ACCSL: variants seen among roughly 807,000 people sequenced by gnomAD.
ACCSL encodes the protein 1-aminocyclopropane-1-carboxylate synthase homolog (inactive) like, also known as probable inactive 1-aminocyclopropane-1-carboxylate synthase-like protein 2.
Under a neutral mutation model 61.7 loss-of-function variants are expected in ACCSL, and 55 were observed. That is an observed-to-expected ratio of 0.89 (90% CI 0.72 to 1.12). ACCSL has a LOEUF of 1.12. ACCSL is among the 50% of genes most tolerant of loss of function. The pLI is 0.00. For synonymous variants in ACCSL, 258 were observed against 264.3 expected (o/e 0.98, Z 0.23); for missense variants, 632 against 698.0 (o/e 0.91, Z 1.07).
At chr11:44,002,408 C>T in the ACCSL span, among the ~76,000 whole-genome samples, 6 of 152,194 alleles carry the variant, frequency 3.9e-5, no homozygotes, top group African/African-American at 1.2e-4. Context: ...AGAAGCCCCC[C>T]GCGTGGTTTC....
chr11:44,043,926 A>G (rs543825271), upstream of ACCSL, among the ~76,000 whole-genome samples: 3 of 152,288 alleles, frequency 2.0e-5, no homozygotes, highest in African/African-American at 2.4e-5. Flanking sequence ...CAGAAAAGCA[A>G]TTATTTTATA....
At chr11:43,954,221 C>T in the ACCSL span, among the ~76,000 whole-genome samples, 2 of 152,102 alleles carry the variant, frequency 1.3e-5, no homozygotes, top group African/African-American at 2.4e-5. Flanking sequence ...AGTATCATAC[C>T]GAAGCGGCCT....
the ACCSL span, among the ~76,000 whole-genome samples, chr11:43,936,747 C>T: frequency 2.4e-4 from 34 of 142,250 alleles, no homozygotes; most frequent in African/African-American, 6.6e-4. Flanking sequence ...AAAAAGGCAA[C>T]GGCGGGGAGG....
the ACCSL span, among the ~76,000 whole-genome samples, chr11:43,954,386 G>T: frequency 6.6e-6 from 1 of 152,096 alleles, no homozygotes; most frequent in South Asian, 2.1e-4. Flanking sequence ...CGGGTTTTCT[G>T]GTCTGCAGCA....
chr11:44,002,649 C>T, the ACCSL span, among the ~76,000 whole-genome samples: 2 of 152,056 alleles, frequency 1.3e-5, no homozygotes, highest in South Asian at 2.1e-4. Context: ...CACTTTGAGG[C>T]CCTAGTTGGC....
Position 44,055,296 on chromosome 11 carries a change from GC to G in ACCSL, c.1139+6del. On this transcript the variant is annotated splice_donor_region_variant and intron_variant, in intron 9 of 13. Transcript: ENST00000378832. ...CAGCATTCTGAGCATGAAAAGGTGA[GC>G]TGGTCTCAGCTGGAGTTGGGAACGA... 1 of 1,608,994 alleles carries G rather than the reference GC, an allele frequency of 6.2e-7. No homozygotes were observed. The highest frequency in any genetic ancestry group is 8.5e-7 in the Non-Finnish European group (1 of 1,175,978).
At chr11:44,021,247 G>A in the ACCSL span, among the ~76,000 whole-genome samples, 3 of 152,136 alleles carry the variant, frequency 2.0e-5, no homozygotes, top group Non-Finnish European at 2.9e-5. Context: ...CAGTGTAATA[G>A]TGTTCCCTTT....
At chr11:44,018,837 T>A in the ACCSL span, among the ~76,000 whole-genome samples, 1 of 152,140 alleles carries the variant, frequency 6.6e-6, no homozygotes, top group Non-Finnish European at 1.5e-5. Flanking sequence ...AAATTAAAAA[T>A]TCACCCCTTA....
At chr11:44,039,998 CA>C in the ACCSL span, among the ~76,000 whole-genome samples, 1 of 152,204 alleles carries the variant, frequency 6.6e-6, no homozygotes, top group Non-Finnish European at 1.5e-5. Flanking sequence ...CCATCTTTAA[CA>C]AGGAGAAACT....
At chr11:43,938,147 C>T in the ACCSL span, among the ~76,000 whole-genome samples, 4 of 152,226 alleles carry the variant, frequency 2.6e-5, no homozygotes, top group Non-Finnish European at 4.4e-5. Context: ...ATCTCTGTCA[C>T]AGTCTGTCCT....
At chr11:43,997,341 A>G in the ACCSL span, among the ~76,000 whole-genome samples, 1 of 152,100 alleles carries the variant, frequency 6.6e-6, no homozygotes, top group Non-Finnish European at 1.5e-5. Context: ...TGTCGGTTCC[A>G]GAGAGGATTC....
At chr11:43,987,693 T>C in the ACCSL span, among the ~76,000 whole-genome samples, 6 of 151,956 alleles carry the variant, frequency 3.9e-5, no homozygotes, top group Non-Finnish European at 7.4e-5. Flanking sequence ...CCAGTGACTG[T>C]TTCTACCCGG....
chr11:43,977,382 A>G, the ACCSL span, among the ~76,000 whole-genome samples: 2 of 152,212 alleles, frequency 1.3e-5, no homozygotes, highest in Non-Finnish European at 2.9e-5. Context: ...AATGGGGATG[A>G]GAAGGTTGAA....
At chr11:44,053,730 T>A (rs1590431226) in intron 8 of ACCSL, among the ~76,000 whole-genome samples, 1 of 152,238 alleles carries the variant, frequency 6.6e-6, no homozygotes, top group Non-Finnish European at 1.5e-5. Context: ...GGCATCATGG[T>A]GGGCACCTAC....
chr11:43,933,381 G>A, the ACCSL span: 1 of 316,918 alleles, frequency 3.2e-6, no homozygotes, highest in Admixed American at 3.9e-5. Context: ...TCCAGGATGG[G>A]GTCCCATCCT....
rs1029371172 is a variant in ACCSL at position 44,058,702 on chromosome 11, G to A, written c.1624+3G>A. 6.2e-7 allele frequency: 1 copy of A among 1,607,896 alleles called. No individual in the cohort carries two copies. Among genetic ancestry groups the A allele is most frequent in the Admixed American group, 1.7e-5 (1 of 59,624 alleles). On this transcript the variant is annotated splice_donor_region_variant and intron_variant, in intron 13 of 13. Coordinates refer to ENST00000378832, the MANE Select transcript of ACCSL (RefSeq NM_001031854.2). ...TGAGCTCCCCCGGCTAAAATTGGGT[G>A]AGTGGAGCTGACCTCCCAATCCTTT...
At chr11:44,030,374 C>T in the ACCSL span, among the ~76,000 whole-genome samples, 2 of 151,678 alleles carry the variant, frequency 1.3e-5, no homozygotes, top group Non-Finnish European at 2.9e-5. Context: ...ACACAGACGT[C>T]CAGAAGCCTA....
At chr11:43,948,352 C>T in the ACCSL span, among the ~76,000 whole-genome samples, 1 of 152,216 alleles carries the variant, frequency 6.6e-6, no homozygotes, top group Non-Finnish European at 1.5e-5. Context: ...CAACACTCTA[C>T]TTTCATCCTG....
chr11:44,022,507 C>G, the ACCSL span, among the ~76,000 whole-genome samples: 1 of 152,078 alleles, frequency 6.6e-6, no homozygotes, highest in Non-Finnish European at 1.5e-5. Flanking sequence ...GATCTATGAT[C>G]TTTTTGGATG....
Sources: gnomAD v4.1 joint callset for allele counts (sites outside exome capture counted in the v4.1 genomes callset) on GRCh38, gnomAD v4.1.1 for gene constraint, MANE v1.5 for transcripts, NCBI Gene and HGNC (gene_info 2026-07-23, HGNC 2026-07-21) for gene names.